Variants in GNL3L observed in about 807,000 individuals in gnomAD.
GNL3L encodes the protein G protein nucleolar 3 like, also known as guanine nucleotide-binding protein-like 3-like protein.
Under a neutral mutation model 42.9 loss-of-function variants are expected in GNL3L, and 4 were observed. The observed-to-expected ratio is 0.09, with a 90% CI of 0.05 to 0.21. GNL3L has a LOEUF of 0.21. Ranked by LOEUF, GNL3L falls within the 10% of genes least tolerant of loss-of-function variation. The probability of loss-of-function intolerance (pLI) is 1.00; values close to 1 mark genes in which losing one functional copy is unlikely to be tolerated. For missense variants in GNL3L, 412 were observed against 481.7 expected, an observed-to-expected ratio of 0.86 and a Z score of 1.36; for synonymous variants, 159 against 176.3, an observed-to-expected ratio of 0.90 and a Z score of 0.78.
intron 16 of GNL3L, among the ~76,000 whole-genome samples, chrX:54,603,606 C>T (rs1040251280): frequency 2.7e-5 from 3 of 111,737 alleles, no homozygotes; most frequent in African/African-American, 9.8e-5. Context: ...ATATGATGTA[C>T]TGTGAAGGGT....
downstream of GNL3L, among the ~76,000 whole-genome samples, chrX:54,621,542 A>G (rs1012093567): frequency 1.8e-5 from 2 of 112,321 alleles, no homozygotes; most frequent in Non-Finnish European, 3.8e-5. Flanking sequence ...TGAGAAAAAT[A>G]AAATGATTGT....
chrX:54,544,361 A>T, intron 8 of GNL3L, 35 bp downstream of exon 8: 1 of 789,090 alleles, frequency 1.3e-6, no homozygotes, highest in Non-Finnish European at 1.9e-6. Context: ...AGCCGCTTTC[A>T]GGGTAGTTTG....
intron 16 of GNL3L, among the ~76,000 whole-genome samples, chrX:54,583,669 G>A (rs1266556835): frequency 4.5e-5 from 5 of 110,488 alleles, no homozygotes; most frequent in Non-Finnish European, 9.5e-5. Flanking sequence ...TTTGAGACAA[G>A]GTCTCACTGT....
At chrX:54,537,831 A>G (rs1295496952) in intron 2 of GNL3L, among the ~76,000 whole-genome samples, 1 of 109,400 alleles carries the variant, frequency 9.1e-6, no homozygotes, top group Non-Finnish European at 1.9e-5. Flanking sequence ...CTGGATTAGA[A>G]CTCCTGGGCT....
intron 16 of GNL3L, among the ~76,000 whole-genome samples, chrX:54,579,817 A>T (rs1925682555): frequency 9.0e-6 from 1 of 111,313 alleles, no homozygotes; most frequent in Admixed American, 9.6e-5. Context: ...AGCTGAGACT[A>T]CAGGCATGCG....
At chrX:54,542,460 G>A (rs1924652042) in intron 5 of GNL3L, among the ~76,000 whole-genome samples, 1 of 111,178 alleles carries the variant, frequency 9.0e-6, no homozygotes, top group Non-Finnish European at 1.9e-5. Flanking sequence ...GTATTCCATT[G>A]TGTATATGTG....
chrX:54,551,013 C>T lies in GNL3L; in HGVS notation c.826C>T (p.Arg276Cys), dbSNP rs1924920441. Residue 276 changes from arginine (R) to cysteine (C), a missense_variant, in exon 10 of 16, where the codon CGC (arginine) becomes TGC (cysteine). Coordinates refer to ENST00000360845, the MANE Select transcript of GNL3L (RefSeq NM_001184819.2). ...SSLINSLKRS[R>C]ACSVGAVPGI... ...CCTGATCAATAGCCTGAAGCGCAGC[C>T]GCGCATGCAGCGTGGGAGCTGTTCC... is the stretch of plus-strand genomic sequence containing the variant. 9.5e-6 allele frequency: 11 copies of T among 1,156,239 alleles called. No individual in the cohort carries two copies. Among genetic ancestry groups the T allele is most frequent in the Non-Finnish European group, 1.1e-5 (9 of 845,913 alleles).
At chrX:54,629,354 G>A in the GNL3L span, among the ~76,000 whole-genome samples, 1 of 111,566 alleles carries the variant, frequency 9.0e-6, no homozygotes, top group East Asian at 2.8e-4. Flanking sequence ...TTCTCAGAGA[G>A]AATGCTTTCA....
intron 16 of GNL3L, among the ~76,000 whole-genome samples, chrX:54,620,237 A>G (rs893759900): frequency 9.0e-6 from 1 of 110,656 alleles, no homozygotes; most frequent in African/African-American, 3.3e-5. Flanking sequence ...TTCTATTTTT[A>G]TTTTGTACCC....
At chrX:54,540,820 G>A (rs757633009) in intron 4 of GNL3L, among the ~76,000 whole-genome samples, 3 of 110,956 alleles carry the variant, frequency 2.7e-5, no homozygotes, top group Non-Finnish European at 5.7e-5. Flanking sequence ...ACCACGCCCA[G>A]CTAATTTTGT....
intron 16 of GNL3L, among the ~76,000 whole-genome samples, chrX:54,585,003 C>T (rs1400958168): frequency 3.6e-5 from 4 of 111,884 alleles, no homozygotes; most frequent in African/African-American, 9.8e-5. Flanking sequence ...AGGCTGGTCT[C>T]GAGCTCCTGA....
At chrX:54,577,551 C>T (rs1365363282) in intron 16 of GNL3L, among the ~76,000 whole-genome samples, 1 of 111,298 alleles carries the variant, frequency 9.0e-6, no homozygotes, top group Non-Finnish European at 1.9e-5. Flanking sequence ...AAATTTATAC[C>T]TTTTGACCAA....
At chrX:54,567,723 C>T (rs1925477138), downstream of GNL3L, among the ~76,000 whole-genome samples, 1 of 109,894 alleles carries the variant, frequency 9.1e-6, no homozygotes, top group African/African-American at 3.3e-5. Context: ...TTCTTTCTGC[C>T]TTTAACCATT....
chrX:54,631,569 A>G, the GNL3L span, among the ~76,000 whole-genome samples: 12 of 111,360 alleles, frequency 1.1e-4, no homozygotes, highest in African/African-American at 3.9e-4. Context: ...GTTTTGTCTG[A>G]TATAAGAATA....
downstream of GNL3L, among the ~76,000 whole-genome samples, chrX:54,623,845 GTATGTTGATCT>G (rs1164758249): frequency 1.8e-5 from 2 of 109,715 alleles, no homozygotes; most frequent in African/African-American, 6.6e-5. Flanking sequence ...CTAATTTTTT[GTATGTTGATCT>G]TATACTCTGT....
At position 54,542,936 on chromosome X, in the gene GNL3L, C is replaced by CTT; in HGVS notation, c.307-11_307-10dup. 1 of 1,051,977 alleles carries CTT rather than the reference C, an allele frequency of 9.5e-7. No homozygotes were observed. The highest frequency in any genetic ancestry group is 1.3e-6 in the Non-Finnish European group (1 of 753,887). 86.7% of individuals were successfully genotyped at this position (1,051,977 alleles called of 1,213,427 possible). A position where few individuals can be genotyped will look rare whatever the true frequency, so the allele number is the denominator to read the frequency against. ...TCCCCCTCCTCCCCTGGACCATTCTCTTTTTTTTTCTCCTTTAGGAGGAAG... is the reference window on the plus strand; with the variant it reads ...TCCCCCTCCTCCCCTGGACCATTCTCTTTTTTTTTTTCTCCTTTAGGAGGAAG... On this transcript the variant is annotated intron_variant, in intron 5 of 15. Coordinates refer to ENST00000360845, the MANE Select transcript of GNL3L (RefSeq NM_001184819.2).
At chrX:54,588,786 C>T (rs898766174) in intron 16 of GNL3L, among the ~76,000 whole-genome samples, 4 of 110,812 alleles carry the variant, frequency 3.6e-5, no homozygotes, top group African/African-American at 1.3e-4. Flanking sequence ...GATCGCGCTA[C>T]GGCTCAAAAA....
rs7890564 is a variant in GNL3L at position 54,600,534 on chromosome X, C to T, written c.*46-20311C>T. ...AGCCACTGCGCCTGGCCCCAGTTTGCTTTATCTGGGTTCCTGTGACTACTC... is the reference window on the plus strand; with the variant it reads ...AGCCACTGCGCCTGGCCCCAGTTTGTTTTATCTGGGTTCCTGTGACTACTC... On this transcript the variant is annotated intron_variant, in intron 16 of 16. Coordinates refer to the GNL3L transcript ENST00000674498. Among the ~76,000 whole-genome samples, 280 of 110,208 alleles carry T rather than the reference C, an allele frequency of 2.5e-3. 1 individual carries two copies. Among genetic ancestry groups the T allele is most frequent in the African/African-American group, 8.9e-3 (269 of 30,388 alleles).
At chrX:54,624,624 AGAGACGGG>A (rs1926332369), downstream of GNL3L, among the ~76,000 whole-genome samples, 1 of 107,754 alleles carries the variant, frequency 9.3e-6, no homozygotes. Context: ...TATTTTTAGT[AGAGACGGG>A]GTTTCACCAT....
Sources: allele counts gnomAD v4.1 joint callset (sites outside exome capture counted in the v4.1 genomes callset), GRCh38; gene constraint gnomAD v4.1.1; transcripts MANE v1.5; gene names NCBI Gene and HGNC (gene_info 2026-07-23, HGNC 2026-07-21).